Variants in TNIP3 observed in about 807,000 individuals in gnomAD.
TNIP3 encodes the protein TNFAIP3 interacting protein 3.
A neutral mutation model predicts 54.1 loss-of-function variants in TNIP3; 34 were observed. The ratio of observed to expected loss-of-function variants is 0.63; its 90% CI spans 0.48 to 0.84. The LOEUF (loss-of-function observed/expected upper bound fraction) is 0.84, where lower values mean the gene tolerates loss of function less well. Among genes scored for constraint, TNIP3 ranks in the 40% least tolerant of loss-of-function variants. The pLI, the probability that TNIP3 is intolerant of heterozygous loss-of-function variation, is 0.00. For synonymous variants in TNIP3, 134 were observed against 136.8 expected (o/e 0.98, Z 0.14); for missense variants, 366 against 387.6 (o/e 0.94, Z 0.47).
intron 1 of TNIP3, among the ~76,000 whole-genome samples, chr4:121,223,654 GC>G (rs1727137039): frequency 6.6e-6 from 1 of 152,116 alleles, no homozygotes; most frequent in Non-Finnish European, 1.5e-5. Context: ...TTTCATCATA[GC>G]TTTATGAGAT....
intron 5 of TNIP3, among the ~76,000 whole-genome samples, chr4:121,152,310 C>T (rs922677037): frequency 1.2e-4 from 19 of 152,128 alleles, no homozygotes; most frequent in African/African-American, 4.3e-4. Flanking sequence ...AATAGAAGAA[C>T]AATAATATCT....
chr4:121,219,026 G>T (rs1726923696), upstream of TNIP3, among the ~76,000 whole-genome samples: 2 of 151,974 alleles, frequency 1.3e-5, no homozygotes, highest in African/African-American at 2.4e-5. Flanking sequence ...ATGGAGAAAT[G>T]GTGTCTCTAC....
chr4:121,155,210 G>A (rs35971082), intron 4 of TNIP3, among the ~76,000 whole-genome samples: 12 of 151,912 alleles, frequency 7.9e-5, no homozygotes, highest in Admixed American at 2.6e-4. Flanking sequence ...TGATCTGCCC[G>A]TCTCAGCCTC....
At chr4:121,222,787 G>T (rs1313029722) in intron 1 of TNIP3, among the ~76,000 whole-genome samples, 2 of 148,718 alleles carry the variant, frequency 1.3e-5, no homozygotes, top group African/African-American at 2.5e-5. Context: ...ATGTGGAGCT[G>T]AGGGTGTTTT....
chr4:121,209,760 T>G (rs1307323070), intron 2 of TNIP3, among the ~76,000 whole-genome samples: 1 of 152,218 alleles, frequency 6.6e-6, no homozygotes, highest in Admixed American at 6.5e-5. Flanking sequence ...TATATTATTT[T>G]ATTGATGTTT....
At chr4:121,219,968 T>C (rs574915812), upstream of TNIP3, among the ~76,000 whole-genome samples, 20 of 152,318 alleles carry the variant, frequency 1.3e-4, no homozygotes, top group South Asian at 6.2e-4. Flanking sequence ...CCAGGTTCAA[T>C]ACATTTAGGA....
intron 3 of TNIP3, among the ~76,000 whole-genome samples, chr4:121,173,242 G>C (rs1186992153): frequency 6.6e-6 from 1 of 151,534 alleles, no homozygotes; most frequent in Non-Finnish European, 1.5e-5. Flanking sequence ...TATGATTCAG[G>C]GAAGTTTTAT....
At chr4:121,207,103 T>G (rs546268921) in intron 2 of TNIP3, among the ~76,000 whole-genome samples, 34 of 152,322 alleles carry the variant, frequency 2.2e-4, no homozygotes, top group African/African-American at 8.2e-4. Context: ...ATAGTATGTG[T>G]GATCTGGGGT....
At chr4:121,165,221 T>C (rs536373874), upstream of TNIP3, among the ~76,000 whole-genome samples, 51 of 151,574 alleles carry the variant, frequency 3.4e-4, 1 homozygote, top group Non-Finnish European at 6.2e-4. Context: ...TGATTGAGTG[T>C]CCCACATTTG....
At chr4:121,197,223 T>C (rs1226793920) in intron 2 of TNIP3, among the ~76,000 whole-genome samples, 5 of 151,936 alleles carry the variant, frequency 3.3e-5, no homozygotes, top group Admixed American at 2.0e-4. Flanking sequence ...ACATGAATGC[T>C]CTCTTTAAGA....
chr4:121,154,551 C>G lies in TNIP3; in HGVS notation c.492G>C (p.Lys164Asn), dbSNP rs1431840222. The change falls in exon 5 of 11, where the codon AAG becomes AAC. Residue 164 changes from lysine to asparagine, a missense_variant and splice_region_variant. Transcript: ENST00000057513. ...CTCCCATGCTTGACCTGACTGATAC[C>G]TTATTGAGGCGTTTTATTTCACATT... ...HYECEIKRLNKALQDALNIKC... is the reference protein window; with the variant it reads ...HYECEIKRLNNALQDALNIKC... The G allele has an allele frequency of 3.1e-6, 5 of 1,613,440 alleles. No individual in the cohort carries two copies. The highest frequency in any genetic ancestry group is 4.2e-6 in the Non-Finnish European group (5 of 1,179,862).
intron 3 of TNIP3, among the ~76,000 whole-genome samples, chr4:121,181,122 A>T (rs530587194): frequency 6.6e-6 from 1 of 152,336 alleles, no homozygotes; most frequent in South Asian, 2.1e-4. Context: ...GGTAATAAGG[A>T]TGTAGAAGAG....
At chr4:121,222,780 T>C (rs531355335) in intron 1 of TNIP3, among the ~76,000 whole-genome samples, 148 of 149,730 alleles carry the variant, frequency 9.9e-4, no homozygotes, top group South Asian at 1.9e-3. Context: ...CATGAAAATG[T>C]GGAGCTGAGG....
At chr4:121,160,350 A>C (rs1730371876) in intron 2 of TNIP3, among the ~76,000 whole-genome samples, 1 of 152,162 alleles carries the variant, frequency 6.6e-6, no homozygotes, top group Non-Finnish European at 1.5e-5. Flanking sequence ...ATGGTCGTGC[A>C]CGCCTGTAAT....
At chr4:121,154,260 G>A (rs1729942450) in intron 5 of TNIP3, 2 of 352,802 alleles carry the variant, frequency 5.7e-6, no homozygotes, top group East Asian at 1.6e-4. Context: ...ACACCCACTT[G>A]CTTTATGTGG....
Position 121,163,180 on chromosome 4 carries a change from CAT to C in TNIP3, c.66+878_66+879del, listed in dbSNP as rs375395968. The stretch of plus-strand genomic sequence containing the variant: ...GATAGGAGGGAGGAAAAATAGAAAA[CAT>C]AGTGACTAGGAATGGCATGTAAGTC... On this transcript the variant is annotated intron_variant, in intron 1 of 10. Coordinates refer to ENST00000057513, the MANE Select transcript of TNIP3 (RefSeq NM_024873.6). Among the ~76,000 whole-genome samples the C allele has an allele frequency of 1.6e-3, 236 of 152,152 alleles. 2 individuals carry two copies. The highest frequency in any genetic ancestry group is 5.3e-3 in the African/African-American group (222 of 41,518).
chr4:121,145,641 T>C (rs936316355), intron 7 of TNIP3, among the ~76,000 whole-genome samples: 4 of 149,512 alleles, frequency 2.7e-5, no homozygotes, highest in African/African-American at 9.7e-5. Flanking sequence ...TAATTTATCA[T>C]ATAAAAATAA....
At chr4:121,168,212 T>C (rs1730870342), upstream of TNIP3, among the ~76,000 whole-genome samples, 1 of 152,116 alleles carries the variant, frequency 6.6e-6, no homozygotes, top group African/African-American at 2.4e-5. Context: ...TTCTTTCTTT[T>C]TTCTTTTTTT....
intron 5 of TNIP3, among the ~76,000 whole-genome samples, chr4:121,150,887 C>A (rs944877656): frequency 6.6e-6 from 1 of 152,166 alleles, no homozygotes; most frequent in Non-Finnish European, 1.5e-5. Context: ...AACTCACTAC[C>A]GAGTGGAGAG....
Sources: allele counts gnomAD v4.1 joint callset (sites outside exome capture counted in the v4.1 genomes callset), GRCh38; gene constraint gnomAD v4.1.1; transcripts MANE v1.5; gene names NCBI Gene and HGNC (gene_info 2026-07-23, HGNC 2026-07-21).